SAMD13: variants seen among roughly 807,000 people sequenced by gnomAD.
SAMD13 encodes sterile alpha motif domain containing 13.
In SAMD13, 9 loss-of-function variants were observed where a neutral mutation model predicts 12.4. The observed-to-expected ratio is 0.72, with a 90% CI of 0.44 to 1.26. The LOEUF is 1.26. SAMD13 is among the 50% of genes most tolerant of loss of function. SAMD13 has a pLI of 0.00. For synonymous variants in SAMD13, 46 were observed against 45.4 expected (o/e 1.01, Z -0.05); for missense variants, 84 against 119.6 (o/e 0.70, Z 1.39).
At chr1:84,306,859 T>TAATAAAAC (rs1558437484) in intron 2 of SAMD13, among the ~76,000 whole-genome samples, 24 of 145,550 alleles carry the variant, frequency 1.6e-4, no homozygotes, top group South Asian at 6.5e-4. Flanking sequence ...AATAATAAAA[T>TAATAAAAC]AAAATAAGAA....
At chr1:84,337,352 A>G (rs1364859272) in intron 3 of SAMD13, among the ~76,000 whole-genome samples, 3 of 152,122 alleles carry the variant, frequency 2.0e-5, no homozygotes, top group Non-Finnish European at 2.9e-5. Context: ...AGGCATTTCC[A>G]TACATCTTCT....
intron 3 of SAMD13, chr1:84,345,296 T>C (rs1028677364): frequency 4.5e-6 from 2 of 442,720 alleles, no homozygotes; most frequent in Non-Finnish European, 9.1e-6. Context: ...TGCTGTGTTC[T>C]TTAACAGGGA....
intron 2 of SAMD13, among the ~76,000 whole-genome samples, chr1:84,313,651 C>G (rs1432516894): frequency 6.6e-6 from 1 of 152,118 alleles, no homozygotes; most frequent in Non-Finnish European, 1.5e-5. Context: ...CACCATGCCC[C>G]CGAGCCCCTC....
chr1:84,332,868 C>T (rs576612184), intron 3 of SAMD13, among the ~76,000 whole-genome samples: 7 of 152,096 alleles, frequency 4.6e-5, no homozygotes, highest in Non-Finnish European at 7.4e-5. Flanking sequence ...TTAGGCTTTA[C>T]ATTTAAGTCT....
At chr1:84,317,359 A>T (rs201784114) in intron 2 of SAMD13, among the ~76,000 whole-genome samples, 1 of 151,942 alleles carries the variant, frequency 6.6e-6, no homozygotes, top group East Asian at 1.9e-4. Flanking sequence ...GATAGCCTTT[A>T]TTAGGTTAAG....
intron 2 of SAMD13, among the ~76,000 whole-genome samples, chr1:84,315,284 T>G (rs1393129307): frequency 2.6e-5 from 4 of 152,136 alleles, no homozygotes; most frequent in Admixed American, 6.6e-5. Context: ...ACCATTCTAT[T>G]CTTTGCTTCT....
chr1:84,311,332 T>TAAAAAAAAAA (rs757714939), intron 2 of SAMD13, among the ~76,000 whole-genome samples: 3 of 112,094 alleles, frequency 2.7e-5, no homozygotes, highest in Admixed American at 1.0e-4. Context: ...TGAGACTGTC[T>TAAAAAAAAAA]AAAAAAAAAA....
intron 3 of SAMD13, 29 bp from the exon 4 acceptor site, chr1:84,349,602 G>A (rs754064294): frequency 6.2e-6 from 10 of 1,605,832 alleles, no homozygotes; most frequent in East Asian, 2.2e-5. Flanking sequence ...GGACTCACAT[G>A]TTGGCTTTAC....
chr1:84,350,002 C>A lies in SAMD13; in HGVS notation c.*228C>A. 1.2e-6 allele frequency: 1 copy of A among 843,038 alleles called. No homozygotes were observed. Among genetic ancestry groups the A allele is most frequent in the Non-Finnish European group, 1.6e-6 (1 of 630,574 alleles). The allele number at this position is 843,038 out of a possible 1,614,324, so 52.2% of individuals were successfully genotyped here. On this transcript the variant is annotated 3_prime_UTR_variant, in exon 4 of 4. Transcript: ENST00000394834. The stretch of plus-strand genomic sequence containing the variant: ...GGGTGGTTTTCCTCATGGATTTTGT[C>A]AAATAGATGATCTTTGACACGATTA...
chr1:84,304,014 ATC>A lies in SAMD13; in HGVS notation c.53+729_53+730del, dbSNP rs554291703. The A allele has an allele frequency of 2.6e-5, 4 of 152,294 alleles. No homozygotes were observed. In the South Asian group the frequency reaches 6.2e-4, roughly 24 times the overall value. 9.4% of individuals were successfully genotyped at this position (152,294 alleles called of 1,614,324 possible). Reference sequence around the variant, plus strand: ...AGAAAGTGAGTTCCAAGAGGGAGTTATCTGTTTCATTTCTTTCCATATCATTT... The same window carrying A: ...AGAAAGTGAGTTCCAAGAGGGAGTTATGTTTCATTTCTTTCCATATCATTT... On this transcript the variant is annotated intron_variant, in intron 2 of 3. Coordinates refer to ENST00000394834, the MANE Select transcript of SAMD13 (RefSeq NM_001134663.2).
At chr1:84,322,853 A>C (rs6688872) in intron 2 of SAMD13, among the ~76,000 whole-genome samples, 4,216 of 152,296 alleles carry the variant, frequency 0.028, 202 homozygotes, top group African/African-American at 0.096. Flanking sequence ...AGAATATTTC[A>C]AAATTATGGA....
intron 2 of SAMD13, among the ~76,000 whole-genome samples, chr1:84,321,733 G>T (rs1202363153): frequency 6.6e-6 from 1 of 152,198 alleles, no homozygotes; most frequent in Non-Finnish European, 1.5e-5. Context: ...GAATGGTGCT[G>T]CTTAAATCTA....
At chr1:84,341,865 T>C (rs1453558793) in intron 3 of SAMD13, among the ~76,000 whole-genome samples, 1 of 152,136 alleles carries the variant, frequency 6.6e-6, no homozygotes. Flanking sequence ...GGTTGGTGTA[T>C]TAAAGTAGAC....
At chr1:84,302,556 A>G in intron 1 of SAMD13, 1 of 433,002 alleles carries the variant, frequency 2.3e-6, no homozygotes, top group Non-Finnish European at 3.1e-6. Context: ...ACACACACAC[A>G]CACACACACA....
At position 84,325,743 on chromosome 1, in the gene SAMD13, G is replaced by A. The variant is rs767015240; in HGVS notation, c.160G>A (p.Glu54Lys). The A allele has an allele frequency of 1.2e-6, 2 of 1,601,818 alleles. No homozygotes were observed. Among genetic ancestry groups the A allele is most frequent in the Non-Finnish European group, 1.7e-6 (2 of 1,169,092 alleles). ...GFEEQASAFQ[E>K]QEIDGKSLLL... ...TGAGGAGCAAGCTAGTGCTTTTCAGGAACAGGTAACTTGGTCTAGAGAAAC... is the reference window on the plus strand; with the variant it reads ...TGAGGAGCAAGCTAGTGCTTTTCAGAAACAGGTAACTTGGTCTAGAGAAAC... Residue 54 changes from glutamate (E) to lysine (K), a missense_variant, in exon 3 of 4, where the codon GAA becomes AAA. Transcript: ENST00000394834.
chr1:84,319,478 A>C (rs1678897093), intron 2 of SAMD13, among the ~76,000 whole-genome samples: 1 of 151,944 alleles, frequency 6.6e-6, no homozygotes, highest in Non-Finnish European at 1.5e-5. Flanking sequence ...AAAAAATACA[A>C]AAAATTAGTC....
At chr1:84,314,460 T>C (rs964479818) in intron 2 of SAMD13, among the ~76,000 whole-genome samples, 10 of 152,206 alleles carry the variant, frequency 6.6e-5, no homozygotes, top group African/African-American at 2.2e-4. Context: ...GCATAAATAA[T>C]TATCAAGCCT....
chr1:84,326,721 ATG>A (rs1165567247), intron 3 of SAMD13, among the ~76,000 whole-genome samples: 5 of 152,146 alleles, frequency 3.3e-5, no homozygotes, highest in Non-Finnish European at 7.4e-5. Context: ...AAACTGAAAA[ATG>A]TGTCTGGCTG....
chr1:84,318,634 G>T (rs1436951961), intron 2 of SAMD13, among the ~76,000 whole-genome samples: 1 of 152,100 alleles, frequency 6.6e-6, no homozygotes, highest in East Asian at 1.9e-4. Flanking sequence ...CTACAGTGTT[G>T]TTCAAGTTCA....
Sources: gnomAD v4.1 joint callset for allele counts (sites outside exome capture counted in the v4.1 genomes callset) on GRCh38, gnomAD v4.1.1 for gene constraint, MANE v1.5 for transcripts, NCBI Gene and HGNC (gene_info 2026-07-23, HGNC 2026-07-21) for gene names.